ZNF804B: variants seen among roughly 807,000 people sequenced by gnomAD.
The protein encoded by ZNF804B is zinc finger 804B.
Under a neutral mutation model 101.4 loss-of-function variants are expected in ZNF804B, and 80 were observed. That is an observed-to-expected ratio of 0.79 (90% CI 0.66 to 0.95). The LOEUF (loss-of-function observed/expected upper bound fraction) is 0.95. Ranked by LOEUF, ZNF804B falls within the 40% of genes least tolerant of loss-of-function variation. The pLI, the probability that ZNF804B is intolerant of heterozygous loss-of-function variation, is 0.00. For missense variants in ZNF804B, 1,673 were observed against 1,561.9 expected, an observed-to-expected ratio of 1.07 and a Z score of -1.20; for synonymous variants, 622 against 558.8, an observed-to-expected ratio of 1.11 and a Z score of -1.59.
At chr7:89,230,869 T>C (rs1789182799) in intron 2 of ZNF804B, among the ~76,000 whole-genome samples, 1 of 152,100 alleles carries the variant, frequency 6.6e-6, no homozygotes, top group Non-Finnish European at 1.5e-5. Context: ...TTCATTTGCT[T>C]ATTTAACATT....
chr7:88,778,393 C>A (rs1790177769), intron 1 of ZNF804B, among the ~76,000 whole-genome samples: 2 of 152,200 alleles, frequency 1.3e-5, no homozygotes, highest in South Asian at 2.1e-4. Flanking sequence ...TCTATAAAGT[C>A]TCTTTTGACA....
intron 2 of ZNF804B, among the ~76,000 whole-genome samples, chr7:89,227,018 C>A (rs758161882): frequency 3.9e-5 from 6 of 152,158 alleles, no homozygotes; most frequent in Non-Finnish European, 5.9e-5. Context: ...ACAATTTGTT[C>A]ATCAGGTCAG....
At chr7:88,899,300 C>G (rs551959355) in intron 1 of ZNF804B, among the ~76,000 whole-genome samples, 1 of 152,132 alleles carries the variant, frequency 6.6e-6, no homozygotes, top group Non-Finnish European at 1.5e-5. Context: ...CCTATCAAAA[C>G]TTTCTGGGGA....
intron 1 of ZNF804B, among the ~76,000 whole-genome samples, chr7:88,982,207 ATACTC>A (rs1259751237): frequency 6.6e-6 from 1 of 151,850 alleles, no homozygotes; most frequent in Non-Finnish European, 1.5e-5. Flanking sequence ...GCGGTCTTCT[ATACTC>A]TATTGAATGC....
At chr7:88,784,127 G>T (rs1210687393) in intron 1 of ZNF804B, among the ~76,000 whole-genome samples, 1 of 152,122 alleles carries the variant, frequency 6.6e-6, no homozygotes, top group Non-Finnish European at 1.5e-5. Context: ...AAGTGACCTG[G>T]ATAAGGGCCA....
intron 1 of ZNF804B, among the ~76,000 whole-genome samples, chr7:89,140,365 C>T (rs1478826359): frequency 6.6e-6 from 1 of 151,984 alleles, no homozygotes; most frequent in Non-Finnish European, 1.5e-5. Context: ...AGAGAGGCGG[C>T]CTGTCATTGA....
chr7:89,027,365 G>A (rs1788766791), intron 1 of ZNF804B, among the ~76,000 whole-genome samples: 1 of 152,036 alleles, frequency 6.6e-6, no homozygotes, highest in Non-Finnish European at 1.5e-5. Context: ...ATGGTAGATG[G>A]ACTAACCTTA....
chr7:89,205,140 G>A (rs769778279), intron 1 of ZNF804B, among the ~76,000 whole-genome samples: 10 of 152,112 alleles, frequency 6.6e-5, no homozygotes, highest in Non-Finnish European at 1.0e-4. Flanking sequence ...TCACTATCAC[G>A]AGAACAGCAC....
At chr7:89,269,692 T>A (rs1350895227) in intron 2 of ZNF804B, among the ~76,000 whole-genome samples, 1 of 152,126 alleles carries the variant, frequency 6.6e-6, no homozygotes, top group Admixed American at 6.5e-5. Flanking sequence ...AGTGTAAAAG[T>A]GTTCCTATTT....
In ZNF804B at chr7:88,759,843, C is replaced by G; in HGVS notation, c.-134C>G. 2.9e-6 allele frequency: 2 copies of G among 689,920 alleles called. No homozygotes were observed. The highest frequency in any genetic ancestry group is 1.7e-5 in the South Asian group (1 of 59,060). 42.7% of individuals were successfully genotyped at this position (689,920 alleles called of 1,614,324 possible). On this transcript the variant is annotated 5_prime_UTR_variant, in exon 1 of 4. Coordinates refer to ENST00000333190, the MANE Select transcript of ZNF804B (RefSeq NM_181646.5). ...GCGCGGAGCAGGGACGCGCTGCCAC[C>G]GCCTCCCCCTGCGTCCTGCTGGCCG...
intron 1 of ZNF804B, among the ~76,000 whole-genome samples, chr7:89,039,759 T>C (rs1241119496): frequency 2.0e-5 from 3 of 152,022 alleles, no homozygotes; most frequent in Non-Finnish European, 4.4e-5. Context: ...ATAGTTTTTT[T>C]GGTTGCCAGT....
At chr7:89,076,639 A>G (rs1789618574) in intron 1 of ZNF804B, among the ~76,000 whole-genome samples, 1 of 152,230 alleles carries the variant, frequency 6.6e-6, no homozygotes, top group Admixed American at 6.5e-5. Context: ...ATTTCTGATA[A>G]TATGACTGTG....
At chr7:88,899,791 G>A (rs1792361317) in intron 1 of ZNF804B, among the ~76,000 whole-genome samples, 1 of 151,970 alleles carries the variant, frequency 6.6e-6, no homozygotes, top group Non-Finnish European at 1.5e-5. Flanking sequence ...CTCCTTCTAT[G>A]TACTAAAATC....
At chr7:89,238,258 C>T (rs35762195) in intron 2 of ZNF804B, among the ~76,000 whole-genome samples, 18,588 of 152,098 alleles carry the variant, frequency 0.12, 1,228 homozygotes, top group Middle Eastern at 0.25. Context: ...AAACTGATGT[C>T]TGATGTTGAT....
intron 1 of ZNF804B, among the ~76,000 whole-genome samples, chr7:88,792,069 G>A (rs1243536652): frequency 6.6e-6 from 1 of 152,072 alleles, no homozygotes; most frequent in African/African-American, 2.4e-5. Context: ...TCACAGCATA[G>A]TGTTTGAATT....
chr7:89,252,660 A>G (rs1037099982), intron 2 of ZNF804B, among the ~76,000 whole-genome samples: 1 of 152,232 alleles, frequency 6.6e-6, no homozygotes. Context: ...GGATTGGGTA[A>G]AGACAATGTA....
At chr7:89,307,296 T>C (rs1439262126) in intron 2 of ZNF804B, among the ~76,000 whole-genome samples, 2 of 152,026 alleles carry the variant, frequency 1.3e-5, no homozygotes, top group Admixed American at 6.6e-5. Context: ...AGAAAAAGTA[T>C]AGACATAATC....
At chr7:88,835,792 G>A (rs906465751) in intron 1 of ZNF804B, among the ~76,000 whole-genome samples, 1 of 151,688 alleles carries the variant, frequency 6.6e-6, no homozygotes, top group African/African-American at 2.4e-5. Flanking sequence ...TGTATATATA[G>A]TTATTAATTA....
At chr7:88,930,846 C>T (rs1333393175) in intron 1 of ZNF804B, among the ~76,000 whole-genome samples, 3 of 151,874 alleles carry the variant, frequency 2.0e-5, no homozygotes, top group South Asian at 2.1e-4. Flanking sequence ...TTTATAGATA[C>T]ACCTATGATA....
Sources: gnomAD v4.1 joint callset for allele counts (sites outside exome capture counted in the v4.1 genomes callset) on GRCh38, gnomAD v4.1.1 for gene constraint, MANE v1.5 for transcripts, NCBI Gene and HGNC (gene_info 2026-07-23, HGNC 2026-07-21) for gene names.